The following CERS6 variants were observed in gnomAD, a reference collection of about 807,000 sequenced individuals.
CERS6 encodes the protein ceramide synthase 6.
A neutral mutation model predicts 56.8 loss-of-function variants in CERS6; 26 were observed. That is an observed-to-expected ratio of 0.46 (90% CI 0.34 to 0.63). CERS6 has a LOEUF of 0.63. Among genes scored for constraint, CERS6 ranks in the 30% least tolerant of loss-of-function variants. The probability of loss-of-function intolerance (pLI) is 0.01; values close to 1 mark genes in which losing one functional copy is unlikely to be tolerated. For missense variants in CERS6, 415 were observed against 467.5 expected (o/e 0.89, Z 1.04); for synonymous variants, 164 against 173.3 (o/e 0.95, Z 0.42).
intron 3 of CERS6, among the ~76,000 whole-genome samples, chr2:168,603,464 A>T (rs1683981362): frequency 6.6e-6 from 1 of 152,232 alleles, no homozygotes; most frequent in African/African-American, 2.4e-5. Flanking sequence ...ATTCTGAAAC[A>T]ATTGAAAAAT....
At chr2:168,592,185 C>T (rs1036110967) in intron 3 of CERS6, among the ~76,000 whole-genome samples, 2 of 152,100 alleles carry the variant, frequency 1.3e-5, no homozygotes, top group East Asian at 1.9e-4. Flanking sequence ...GGTGAGTGAA[C>T]AATGTTTTTA....
At chr2:168,768,938 A>T (rs1684796282) in intron 9 of CERS6, among the ~76,000 whole-genome samples, 1 of 151,662 alleles carries the variant, frequency 6.6e-6, no homozygotes. Flanking sequence ...GAAAAAAAAA[A>T]TGCTTCCTGC....
chr2:168,571,148 G>A (rs1195681246), intron 3 of CERS6, among the ~76,000 whole-genome samples: 2 of 152,028 alleles, frequency 1.3e-5, no homozygotes, highest in African/African-American at 4.8e-5. Flanking sequence ...TTCCTCTTGG[G>A]AATCCCGTCT....
intron 1 of CERS6, among the ~76,000 whole-genome samples, chr2:168,530,657 A>G (rs1156773218): frequency 1.3e-5 from 2 of 152,250 alleles, no homozygotes; most frequent in African/African-American, 4.8e-5. Context: ...AAGTGAACTC[A>G]TAATGAAATA....
intron 3 of CERS6, among the ~76,000 whole-genome samples, chr2:168,609,919 T>C (rs1207711793): frequency 1.3e-5 from 2 of 149,854 alleles, no homozygotes; most frequent in Non-Finnish European, 1.5e-5. Flanking sequence ...ACCTTGAAAA[T>C]AGAGGTAACT....
chr2:168,657,427 G>A (rs909440507), intron 4 of CERS6, among the ~76,000 whole-genome samples: 6 of 152,246 alleles, frequency 3.9e-5, no homozygotes, highest in East Asian at 1.9e-4. Flanking sequence ...CCAGTCCTGC[G>A]CCATGCGCTC....
intron 4 of CERS6, among the ~76,000 whole-genome samples, chr2:168,636,999 AGTAAT>A (rs1390070660): frequency 1.3e-5 from 2 of 152,204 alleles, no homozygotes; most frequent in Non-Finnish European, 2.9e-5. Context: ...CTCTAAAATC[AGTAAT>A]GTAGACTATC....
intron 4 of CERS6, among the ~76,000 whole-genome samples, chr2:168,681,474 G>T (rs1286173963): frequency 6.6e-6 from 1 of 152,024 alleles, no homozygotes; most frequent in Non-Finnish European, 1.5e-5. Context: ...AGCAAATTGG[G>T]TTTTTAAAAA....
At chr2:168,761,533 A>G (rs1053784114) in intron 8 of CERS6, among the ~76,000 whole-genome samples, 1 of 152,236 alleles carries the variant, frequency 6.6e-6, no homozygotes, top group Non-Finnish European at 1.5e-5. Flanking sequence ...GTTTCTCTGA[A>G]TATCAATATG....
At chr2:168,639,056 G>C (rs928409390) in intron 4 of CERS6, among the ~76,000 whole-genome samples, 1 of 151,888 alleles carries the variant, frequency 6.6e-6, no homozygotes, top group Non-Finnish European at 1.5e-5. Context: ...AAAAAAGAAC[G>C]CATGTCAGAG....
chr2:168,517,121 C>T (rs1179682545), intron 1 of CERS6, among the ~76,000 whole-genome samples: 1 of 151,904 alleles, frequency 6.6e-6, no homozygotes, highest in African/African-American at 2.4e-5. Context: ...AACTGGGTCT[C>T]TTGTTGAAAC....
intron 1 of CERS6, among the ~76,000 whole-genome samples, chr2:168,486,470 G>T (rs1427879985): frequency 6.8e-6 from 1 of 147,678 alleles, no homozygotes; most frequent in Non-Finnish European, 1.5e-5. Context: ...TCTATGTTTG[G>T]ATCTGTGATC....
chr2:168,606,201 A>G (rs1290146300), intron 3 of CERS6, among the ~76,000 whole-genome samples: 3 of 152,222 alleles, frequency 2.0e-5, no homozygotes. Context: ...GATGTGAGAC[A>G]TGGTGTCAAA....
intron 3 of CERS6, among the ~76,000 whole-genome samples, chr2:168,618,606 A>G (rs1338567251): frequency 1.3e-5 from 2 of 152,214 alleles, no homozygotes; most frequent in Non-Finnish European, 2.9e-5. Context: ...GGAGAATCAA[A>G]TGAAGAAATC....
At chr2:168,610,438 A>G (rs1317828029) in intron 3 of CERS6, among the ~76,000 whole-genome samples, 1 of 152,172 alleles carries the variant, frequency 6.6e-6, no homozygotes, top group African/African-American at 2.4e-5. Context: ...CTTGGTATTT[A>G]CTAAATCCTC....
chr2:168,518,922 C>A (rs1259624225), intron 1 of CERS6, among the ~76,000 whole-genome samples: 2 of 152,118 alleles, frequency 1.3e-5, no homozygotes, highest in East Asian at 1.9e-4. Flanking sequence ...CCTCCTCCCA[C>A]CCACCTCCTT....
intron 3 of CERS6, among the ~76,000 whole-genome samples, chr2:168,603,243 G>T (rs1205263275): frequency 1.3e-5 from 2 of 152,170 alleles, no homozygotes; most frequent in Non-Finnish European, 2.9e-5. Context: ...GAAGAAATGG[G>T]ACTCTCCTTT....
At chr2:168,706,032 C>T (rs2105377872) in intron 6 of CERS6, among the ~76,000 whole-genome samples, 1 of 152,268 alleles carries the variant, frequency 6.6e-6, no homozygotes, top group Admixed American at 6.5e-5. Flanking sequence ...TCTCCAGGCA[C>T]TTGTGATTTA....
intron 9 of CERS6, chr2:168,766,183 A>G (rs1250434615): frequency 1.4e-6 from 1 of 732,404 alleles, no homozygotes; most frequent in East Asian, 2.6e-5. Context: ...CTTTTTGGTT[A>G]AAAGTGGACT....
Sources: gnomAD v4.1 joint callset for allele counts (sites outside exome capture counted in the v4.1 genomes callset) on GRCh38, gnomAD v4.1.1 for gene constraint, MANE v1.5 for transcripts, NCBI Gene and HGNC (gene_info 2026-07-23, HGNC 2026-07-21) for gene names.